SLC47A2: variants seen among roughly 807,000 people sequenced by gnomAD.
The protein encoded by SLC47A2 is solute carrier family 47 member 2.
Under a neutral mutation model 67.7 loss-of-function variants are expected in SLC47A2, and 52 were observed. The observed-to-expected ratio is 0.77, with a 90% CI of 0.61 to 0.97. The LOEUF (loss-of-function observed/expected upper bound fraction) is 0.97. Ranked by LOEUF, SLC47A2 falls within the 50% of genes least tolerant of loss-of-function variation. SLC47A2 has a pLI of 0.00. For synonymous variants in SLC47A2, 278 were observed against 292.9 expected (o/e 0.95, Z 0.52); for missense variants, 676 against 712.3 (o/e 0.95, Z 0.58).
intron 5 of SLC47A2, among the ~76,000 whole-genome samples, chr17:19,712,292 C>T (rs2086121451): frequency 6.6e-6 from 1 of 152,104 alleles, no homozygotes; most frequent in Admixed American, 6.6e-5. Flanking sequence ...GAGGCTGAGG[C>T]AGGAGAATGG....
At chr17:19,706,626 C>G (rs375302250) in intron 9 of SLC47A2, 22 bp downstream of exon 9, 1 of 1,550,258 alleles carries the variant, frequency 6.5e-7, no homozygotes, top group South Asian at 1.2e-5. Context: ...CGCCATTGCG[C>G]CCCCCATCCT....
rs147093603 is a variant in SLC47A2 at position 19,678,920 on chromosome 17, C to T, written c.1481-14G>A. 2 of 1,556,360 alleles carry T rather than the reference C, an allele frequency of 1.3e-6. No homozygotes were observed. Among genetic ancestry groups the T allele is most frequent in the Non-Finnish European group, 1.7e-6 (2 of 1,148,858 alleles). Reference sequence around the variant, plus strand: ...TGCCTGTAGCCACTGCGGAAGCAAACAGGAGCAAACTCAGCAGGTCAGGGG... The same window carrying T: ...TGCCTGTAGCCACTGCGGAAGCAAATAGGAGCAAACTCAGCAGGTCAGGGG... On this transcript the variant is annotated splice_polypyrimidine_tract_variant and intron_variant, in intron 16 of 16. Transcript: ENST00000433844.
intron 13 of SLC47A2, among the ~76,000 whole-genome samples, chr17:19,697,757 T>C (rs2085696766): frequency 6.6e-6 from 1 of 151,592 alleles, no homozygotes; most frequent in African/African-American, 2.4e-5. Context: ...CCAGCTTTTT[T>C]TTTTTTTTTT....
chr17:19,711,588 CA>C (rs35308426), intron 5 of SLC47A2, among the ~76,000 whole-genome samples: 1,499 of 32,916 alleles, frequency 0.046, 4 homozygotes, highest in African/African-American at 0.12. Flanking sequence ...AACTCCGTCT[CA>C]AAAAAAAAAA....
chr17:19,713,716 C>T, intron 4 of SLC47A2, 109 bp downstream of exon 4: 3 of 1,472,120 alleles, frequency 2.0e-6, no homozygotes, highest in Non-Finnish European at 2.7e-6. Context: ...ACTGTGAGCA[C>T]TCGTGGCCTA....
upstream of SLC47A2, chr17:19,716,973 A>T: frequency 6.1e-6 from 1 of 164,262 alleles, no homozygotes. Flanking sequence ...GCCCACAGTG[A>T]CTCCCGTTTT....
Position 19,696,295 on chromosome 17 carries a change from CA to C in SLC47A2, c.1164+6309del, listed in dbSNP as rs397960037. Among the ~76,000 whole-genome samples, 426 of 116,356 alleles carry C rather than the reference CA, an allele frequency of 3.7e-3. 1 individual carries two copies. The highest frequency in any genetic ancestry group is 5.3e-3 in the African/African-American group (163 of 31,012). 76.3% of individuals were successfully genotyped at this position (116,356 alleles called of 152,430 possible). ...GTGAAACCCCATTTCTACTAAAATA[CA>C]AAAAAAAAAAAAAAAATTAGCCAGG... On this transcript the variant is annotated intron_variant, in intron 13 of 16. Transcript: ENST00000433844.
chr17:19,706,438 G>A (rs1429828692), intron 9 of SLC47A2, among the ~76,000 whole-genome samples: 1 of 152,254 alleles, frequency 6.6e-6, no homozygotes, highest in Non-Finnish European at 1.5e-5. Context: ...TGGGGAGGCA[G>A]ACCAGCAACA....
intron 13 of SLC47A2, among the ~76,000 whole-genome samples, chr17:19,697,937 C>CT (rs1389602816): frequency 6.6e-6 from 1 of 151,998 alleles, no homozygotes. Flanking sequence ...ATAGAAATTT[C>CT]ACTGAAGGCT....
intron 13 of SLC47A2, among the ~76,000 whole-genome samples, chr17:19,693,079 C>T (rs886558608): frequency 2.0e-5 from 3 of 151,900 alleles, no homozygotes; most frequent in Non-Finnish European, 4.4e-5. Flanking sequence ...TGCAGTAAGC[C>T]CAGATTACGC....
chr17:19,696,428 C>T (rs929468846), intron 13 of SLC47A2, among the ~76,000 whole-genome samples: 4 of 147,840 alleles, frequency 2.7e-5, no homozygotes, highest in Admixed American at 2.1e-4. Context: ...CAGTACTGCA[C>T]TCCAGCCTGG....
Position 19,702,693 on chromosome 17 carries a change from A to T in SLC47A2, c.1095-19T>A. On this transcript the variant is annotated intron_variant, in intron 12 of 16. Coordinates refer to ENST00000433844, the MANE Select transcript of SLC47A2 (RefSeq NM_001099646.3). ...GACATCTCTGCAGAAGAAATGAGAA[A>T]GCATTAAGACACAGATGTATCCTTT... 5 of 1,613,348 alleles carry T rather than the reference A, an allele frequency of 3.1e-6. No individual in the cohort carries two copies. The highest frequency in any genetic ancestry group is 4.2e-6 in the Non-Finnish European group (5 of 1,179,710).
At chr17:19,715,010 G>T in intron 2 of SLC47A2, 106 bp downstream of exon 2, 1 of 1,355,396 alleles carries the variant, frequency 7.4e-7, no homozygotes, top group East Asian at 2.3e-5. Context: ...CACGTGGGCT[G>T]TGTCTTCCCA....
intron 1 of SLC47A2, 167 bp downstream of exon 1, chr17:19,716,266 A>G (rs1460249244): frequency 1.8e-6 from 2 of 1,106,918 alleles, no homozygotes; most frequent in Non-Finnish European, 2.5e-6. Context: ...GTCCAGAGAC[A>G]GCTTTCAGGA....
At chr17:19,681,762 G>T (rs1325513345) in intron 13 of SLC47A2, 92 bp from the exon 14 acceptor site, 3 of 1,470,916 alleles carry the variant, frequency 2.0e-6, no homozygotes, top group Non-Finnish European at 1.8e-6. Flanking sequence ...CATTCGCATG[G>T]CATTGCTTCA....
At chr17:19,700,534 G>A (rs11655302) in intron 13 of SLC47A2, among the ~76,000 whole-genome samples, 39,920 of 152,172 alleles carry the variant, frequency 0.26, 6,261 homozygotes, top group East Asian at 0.38. Context: ...GCCAAGGCAG[G>A]AGGACTGCTT....
At chr17:19,707,910 G>T (rs1397781802) in intron 7 of SLC47A2, 67 bp from the exon 8 acceptor site, 5 of 1,457,796 alleles carry the variant, frequency 3.4e-6, no homozygotes, top group South Asian at 1.2e-5. Flanking sequence ...GCCTGAGAGA[G>T]AGGTGGCTCT....
intron 8 of SLC47A2, 55 bp downstream of exon 8, chr17:19,707,691 A>G (rs889081705): frequency 6.9e-7 from 1 of 1,456,984 alleles, no homozygotes; most frequent in Non-Finnish European, 9.4e-7. Flanking sequence ...CCCCAAGGCT[A>G]GGGCAGCACC....
At chr17:19,703,923 G>A (rs2085856151) in intron 11 of SLC47A2, 147 bp downstream of exon 11, 1 of 580,166 alleles carries the variant, frequency 1.7e-6, no homozygotes, top group South Asian at 2.4e-5. Flanking sequence ...AGGCTGACCT[G>A]GGTCAGATGG....
Sources: gnomAD v4.1 joint callset for allele counts (sites outside exome capture counted in the v4.1 genomes callset) on GRCh38, gnomAD v4.1.1 for gene constraint, MANE v1.5 for transcripts, NCBI Gene and HGNC (gene_info 2026-07-23, HGNC 2026-07-21) for gene names.